Variants in ABHD6 observed in about 807,000 individuals in gnomAD.
The protein encoded by ABHD6 is abhydrolase domain containing 6, acylglycerol lipase, also known as monoacylglycerol lipase ABHD6.
In ABHD6, 33 loss-of-function variants were observed where a neutral mutation model predicts 38.8. That is an observed-to-expected ratio of 0.85 (90% confidence interval 0.64 to 1.14). The LOEUF is 1.14. Ranked by LOEUF, ABHD6 falls within the 50% of genes most tolerant of loss-of-function variation. The probability of loss-of-function intolerance (pLI) is 0.00; values close to 1 mark genes in which losing one functional copy is unlikely to be tolerated. For synonymous variants in ABHD6, 147 were observed against 161.6 expected, an observed-to-expected ratio of 0.91 and a Z score of 0.69; for missense variants, 380 against 422.6, an observed-to-expected ratio of 0.90 and a Z score of 0.88.
In ABHD6 at chr3:58,269,313, G is replaced by T; in HGVS notation, c.277-8G>T. On this transcript the variant is annotated splice_polypyrimidine_tract_variant and splice_region_variant and intron_variant, in intron 4 of 9. Coordinates refer to ENST00000478253, the MANE Select transcript of ABHD6 (RefSeq NM_001320126.2). The surrounding 1 kb of genome is among the most constrained non-coding windows in gnomAD (Gnocchi z 4.4). ...ACATACTGACTCTCTGGGTCTGTGTGTCCTCAGTTCCTTCCAAAGAACCTG... is the reference window on the plus strand; with the variant it reads ...ACATACTGACTCTCTGGGTCTGTGTTTCCTCAGTTCCTTCCAAAGAACCTG... The T allele has an allele frequency of 6.2e-7, 1 of 1,609,738 alleles. No individual in the cohort carries two copies. The highest frequency in any genetic ancestry group is 8.5e-7 in the Non-Finnish European group (1 of 1,176,200).
chr3:58,248,435 C>T (rs1234312191), intron 1 of ABHD6, among the ~76,000 whole-genome samples: 1 of 152,092 alleles, frequency 6.6e-6, no homozygotes, highest in African/African-American at 2.4e-5. Context: ...TGGTGGCTCA[C>T]GCCTGTAATC....
rs1457883906 is a variant in ABHD6 at position 58,285,839 on chromosome 3, T to C, written c.837+386T>C. Among the ~76,000 whole-genome samples the C allele has an allele frequency of 6.6e-6, 1 of 152,130 alleles. No individual in the cohort carries two copies. The highest frequency in any genetic ancestry group is 1.5e-5 in the Non-Finnish European group (1 of 68,022). ...TATCTTACTATCTTGAATATATTTC[T>C]TTTCTTTTTTTCGTTTGAGACGGAG... is the stretch of plus-strand genomic sequence containing the variant. On this transcript the variant is annotated intron_variant, in intron 9 of 9. Transcript: ENST00000478253. This position sits in a 1 kb window ranked among gnomAD's most constrained non-coding sequence, Gnocchi z 4.9.
In ABHD6 at chr3:58,257,387, C is replaced by G. The variant is rs1165899192; in HGVS notation, c.119+682C>G. Reference sequence around the variant, plus strand: ...TTTTTGTTTGGTTTTTTTTTTGAAACAGTCTCCCTCTGTCACCTAGGCTGG... The same window carrying G: ...TTTTTGTTTGGTTTTTTTTTTGAAAGAGTCTCCCTCTGTCACCTAGGCTGG... On this transcript the variant is annotated intron_variant, in intron 3 of 9. Transcript: ENST00000478253. The surrounding 1 kb of genome is among the most constrained non-coding windows in gnomAD (Gnocchi z 4.8). Among the ~76,000 whole-genome samples the G allele has an allele frequency of 1.3e-5, 2 of 150,316 alleles. No individual in the cohort carries two copies. The highest frequency in any genetic ancestry group is 2.4e-5 in the African/African-American group (1 of 40,896).
rs949269539 is a variant in ABHD6 at position 58,293,806 on chromosome 3, C to T, written c.*41C>T. On this transcript the variant is annotated 3_prime_UTR_variant, in exon 10 of 10. Coordinates refer to ENST00000478253, the MANE Select transcript of ABHD6 (RefSeq NM_001320126.2). The surrounding 1 kb of genome is among the most constrained non-coding windows in gnomAD (Gnocchi z 4.4). ...CTGCATTCTGCACACAGCATCTGCT[C>T]CCATCCCCCAAGTCTGACGCAGCCA... The T allele has an allele frequency of 6.3e-7, 1 of 1,596,918 alleles. No homozygotes were observed. The highest frequency in any genetic ancestry group is 8.6e-7 in the Non-Finnish European group (1 of 1,169,076).
At chr3:58,274,255 C>T (rs906144669) in intron 6 of ABHD6, among the ~76,000 whole-genome samples, 1 of 152,226 alleles carries the variant, frequency 6.6e-6, no homozygotes, top group African/African-American at 2.4e-5. Flanking sequence ...CCTCACATTT[C>T]CTGTCAACAC....
rs1388882671 is a variant in ABHD6 at position 58,294,065 on chromosome 3, C to T, written c.*300C>T. 1 of 267,412 alleles carries T rather than the reference C, an allele frequency of 3.7e-6. No individual in the cohort carries two copies. The highest frequency in any genetic ancestry group is 7.0e-6 in the Non-Finnish European group (1 of 142,644). 16.6% of individuals were successfully genotyped at this position (267,412 alleles called of 1,614,324 possible). ...CTGAGAAGCTTGTGCAAAGCAGCCA[C>T]CTTGGACCATAATTAAATCAAGGAC... On this transcript the variant is annotated 3_prime_UTR_variant, in exon 10 of 10. Transcript: ENST00000478253.
At chr3:58,277,209 A>G (rs1224092046) in intron 7 of ABHD6, among the ~76,000 whole-genome samples, 2 of 152,148 alleles carry the variant, frequency 1.3e-5, no homozygotes, top group African/African-American at 4.8e-5. Context: ...CTTGGGCGGT[A>G]TGGCCATTTT....
chr3:58,286,850 G>GCATATATATATATATATATATATATATA (rs1553721726), intron 9 of ABHD6, among the ~76,000 whole-genome samples: 1 of 72,826 alleles, frequency 1.4e-5, no homozygotes, highest in African/African-American at 4.7e-5. Context: ...GTGTGTGTGT[G>GCATATATATATATATATATATATATATA]TGTATATATA....
At chr3:58,252,234 T>TG (rs1383192684) in intron 2 of ABHD6, among the ~76,000 whole-genome samples, 2 of 140,832 alleles carry the variant, frequency 1.4e-5, no homozygotes, top group Non-Finnish European at 3.1e-5. Flanking sequence ...TGCTTGTTTT[T>TG]TTTTTTTTTT....
rs376251635 is a variant in ABHD6 at position 58,251,090 on chromosome 3, C to CG, written c.-26+1155dup. ...ATCCCAGCACTTTGGGAGGCCGAGG[C>CG]GGGGGGGATCACCTGAGGTCAGGAG... On this transcript the variant is annotated intron_variant, in intron 2 of 9. Transcript: ENST00000478253. This position sits in a 1 kb window ranked among gnomAD's most constrained non-coding sequence, Gnocchi z 5.4. Among the ~76,000 whole-genome samples, 3,121 of 151,836 alleles carry CG rather than the reference C, an allele frequency of 0.021. 101 individuals are homozygous for CG. The highest frequency in any genetic ancestry group is 0.068 in the African/African-American group (2,817 of 41,376).
At chr3:58,244,943 G>C (rs189236390) in intron 1 of ABHD6, among the ~76,000 whole-genome samples, 3 of 151,772 alleles carry the variant, frequency 2.0e-5, no homozygotes, top group African/African-American at 7.3e-5. Context: ...CTTTTTTCTG[G>C]TGTTTATCTT....
chr3:58,286,869 T>TATATA (rs2097457724), intron 9 of ABHD6, among the ~76,000 whole-genome samples: 1 of 128,128 alleles, frequency 7.8e-6, no homozygotes, highest in Non-Finnish European at 1.6e-5. Flanking sequence ...TATATATATA[T>TATATA]GTATATGTAT....
Position 58,293,083 on chromosome 3 carries a change from C to T in ABHD6, c.838-506C>T, listed in dbSNP as rs1026411486. Among the ~76,000 whole-genome samples, 2 of 152,242 alleles carry T rather than the reference C, an allele frequency of 1.3e-5. No homozygotes were observed. Among genetic ancestry groups the T allele is most frequent in the East Asian group, 1.9e-4 (1 of 5,176 alleles). The stretch of plus-strand genomic sequence containing the variant: ...CGTGTGGCTGTAGGAGCAGCGCCCT[C>T]CTCTCTGCCCCTTCTCCCCACCATG... On this transcript the variant is annotated intron_variant, in intron 9 of 9. Coordinates refer to ENST00000478253, the MANE Select transcript of ABHD6 (RefSeq NM_001320126.2). This position sits in a 1 kb window ranked among gnomAD's most constrained non-coding sequence, Gnocchi z 4.4.
chr3:58,260,900 G>A (rs542464720), intron 3 of ABHD6, among the ~76,000 whole-genome samples: 1 of 152,358 alleles, frequency 6.6e-6, no homozygotes, highest in East Asian at 1.9e-4. Flanking sequence ...GCCACAGCAA[G>A]TCTTCAGAGC....
intron 3 of ABHD6, among the ~76,000 whole-genome samples, chr3:58,264,419 ACACACACAC>A (rs2097439397): frequency 9.2e-5 from 13 of 141,936 alleles, no homozygotes; most frequent in Admixed American, 8.9e-4. Flanking sequence ...ACACACACAC[ACACACACAC>A]ACACACACAC....
At chr3:58,278,319 T>C (rs1392958494) in intron 7 of ABHD6, among the ~76,000 whole-genome samples, 2 of 152,186 alleles carry the variant, frequency 1.3e-5, no homozygotes, top group African/African-American at 4.8e-5. Context: ...TTCTTCCTGG[T>C]TTAGTCTTGG....
Position 58,263,155 on chromosome 3 carries a change from C to A in ABHD6, c.120-4034C>A. The stretch of plus-strand genomic sequence containing the variant: ...AGCAGAAGGTGGAGGTTGCAGTGAG[C>A]CGAGATCATGCCACTGCATTCCAGC... On this transcript the variant is annotated intron_variant, in intron 3 of 9. Transcript: ENST00000478253. The surrounding 1 kb of genome is among the most constrained non-coding windows in gnomAD (Gnocchi z 4.9). 6.6e-6 allele frequency among the ~76,000 whole-genome samples: 1 copy of A among 152,116 alleles called. No individual in the cohort carries two copies. Among genetic ancestry groups the A allele is most frequent in the East Asian group, 1.9e-4 (1 of 5,196 alleles).
chr3:58,281,905 T>G (rs1460270919), intron 7 of ABHD6, among the ~76,000 whole-genome samples: 1 of 151,950 alleles, frequency 6.6e-6, no homozygotes, highest in Non-Finnish European at 1.5e-5. Context: ...TGCTTGAGAC[T>G]AGGAGTTCAA....
chr3:58,258,569 T>C (rs1407888900), intron 3 of ABHD6: 1 of 294,972 alleles, frequency 3.4e-6, no homozygotes, highest in African/African-American at 2.2e-5. Context: ...CCCCATGGTG[T>C]ACATCCCCTG....
Sources: allele counts gnomAD v4.1 joint callset (sites outside exome capture counted in the v4.1 genomes callset), GRCh38; gene constraint gnomAD v4.1.1; non-coding constraint Gnocchi (gnomAD v3.1); transcripts MANE v1.5; gene names NCBI Gene and HGNC (gene_info 2026-07-23, HGNC 2026-07-21).